Variants in CSMD1 observed in about 807,000 individuals in gnomAD.
CSMD1 encodes the protein CUB and Sushi multiple domains 1, also known as CUB and sushi domain-containing protein 1.
A neutral mutation model predicts 417.5 loss-of-function variants in CSMD1; 213 were observed. The ratio of observed to expected loss-of-function variants is 0.51; its 90% CI spans 0.46 to 0.57. The LOEUF is 0.57. Among genes scored for constraint, CSMD1 ranks in the 20% least tolerant of loss-of-function variants. CSMD1 has a pLI of 0.00. For synonymous variants in CSMD1, 2,862 were observed against 1,736.8 expected, an observed-to-expected ratio of 1.65 and a Z score of -16.11; for missense variants, 6,923 against 4,529.7, an observed-to-expected ratio of 1.53 and a Z score of -15.17.
chr8:4,207,133 G>A (rs1031848284), intron 3 of CSMD1, among the ~76,000 whole-genome samples: 2 of 152,138 alleles, frequency 1.3e-5, no homozygotes, highest in Non-Finnish European at 2.9e-5. Flanking sequence ...AAATAGGACA[G>A]TTGGTAAAAA....
At position 2,961,151 on chromosome 8, in the gene CSMD1, C is replaced by G; in HGVS notation, c.9692G>C (p.Arg3231Thr). 6.3e-7 allele frequency: 1 copy of G among 1,590,842 alleles called. No homozygotes were observed. Among genetic ancestry groups the G allele is most frequent in the Non-Finnish European group, 8.6e-7 (1 of 1,164,094 alleles). ...TTCATAATGAACTACCTCATAGCCT[C>G]TGGAGCTATTCTGTATTCCAAAGTG... is the stretch of plus-strand genomic sequence containing the variant. ...TPHFGIQNSS[R>T]GYEVGSTVFF... The change falls in exon 62 of 70, where the codon AGA (arginine) becomes ACA (threonine). Residue 3231 changes from arginine to threonine, a missense_variant. By Grantham distance (71) the Arg-to-Thr change is moderately conservative. Coordinates refer to ENST00000635120, the MANE Select transcript of CSMD1 (RefSeq NM_033225.6).
rs1051020205 is a variant in CSMD1 at position 3,625,741 on chromosome 8, C to T, written c.1010-8944G>A. On this transcript the variant is annotated intron_variant, in intron 7 of 69. Coordinates refer to ENST00000635120, the MANE Select transcript of CSMD1 (RefSeq NM_033225.6). Reference sequence around the variant, plus strand: ...TCAACATTATTCTTACTACTCCCTACAGAGATCCTATGATCTCAGTAGTTT... The same window carrying T: ...TCAACATTATTCTTACTACTCCCTATAGAGATCCTATGATCTCAGTAGTTT... Among the ~76,000 whole-genome samples the T allele has an allele frequency of 2.6e-5, 4 of 152,234 alleles. No homozygotes were observed. In the East Asian group the frequency reaches 7.7e-4, roughly 29 times the overall value.
intron 3 of CSMD1, among the ~76,000 whole-genome samples, chr8:4,252,445 T>G (rs1486527786): frequency 6.6e-6 from 1 of 152,226 alleles, no homozygotes; most frequent in Non-Finnish European, 1.5e-5. Context: ...CGAGGGGACC[T>G]GAATGAGAAC....
At chr8:3,705,734 G>C (rs965533855) in intron 7 of CSMD1, among the ~76,000 whole-genome samples, 6 of 152,314 alleles carry the variant, frequency 3.9e-5, no homozygotes, top group Non-Finnish European at 4.4e-5. Flanking sequence ...TTCTGCAAGA[G>C]AGGTTTGTGT....
At chr8:3,053,026 T>C (rs1440315164) in intron 49 of CSMD1, among the ~76,000 whole-genome samples, 6 of 152,112 alleles carry the variant, frequency 3.9e-5, no homozygotes, top group Non-Finnish European at 7.4e-5. Flanking sequence ...AGGTGATCCG[T>C]CCACCTTAGC....
intron 10 of CSMD1, among the ~76,000 whole-genome samples, chr8:3,503,759 C>A (rs1444931842): frequency 6.6e-6 from 1 of 152,156 alleles, no homozygotes; most frequent in Non-Finnish European, 1.5e-5. Flanking sequence ...TGTCTCAGCC[C>A]ACCTGTGGTT....
At chr8:4,482,034 C>T (rs1801127576) in intron 2 of CSMD1, among the ~76,000 whole-genome samples, 1 of 152,162 alleles carries the variant, frequency 6.6e-6, no homozygotes, top group African/African-American at 2.4e-5. Flanking sequence ...CTGCCACACC[C>T]TTCCATGGCC....
chr8:4,821,708 T>C (rs536335173), intron 1 of CSMD1, among the ~76,000 whole-genome samples: 1 of 152,150 alleles, frequency 6.6e-6, no homozygotes, highest in South Asian at 2.1e-4. Context: ...TTCATTTTGG[T>C]TGAATTCCAA....
In CSMD1 at chr8:3,049,189, T is replaced by G. The variant is rs1811653889; in HGVS notation, c.7660+3273A>C. On this transcript the variant is annotated intron_variant, in intron 50 of 69. Coordinates refer to ENST00000635120, the MANE Select transcript of CSMD1 (RefSeq NM_033225.6). Reference sequence around the variant, plus strand: ...ATAGTCTGATGGTTTCTTAAAAAACTAAAAATACTCTTACCATTCACTCTA... The same window carrying G: ...ATAGTCTGATGGTTTCTTAAAAAACGAAAAATACTCTTACCATTCACTCTA... 2.0e-5 allele frequency among the ~76,000 whole-genome samples: 3 copies of G among 152,144 alleles called. No homozygotes were observed. In the South Asian group the frequency reaches 6.2e-4, roughly 31 times the overall value.
intron 10 of CSMD1, among the ~76,000 whole-genome samples, chr8:3,510,367 G>C (rs1379299379): frequency 6.6e-6 from 1 of 151,826 alleles, no homozygotes; most frequent in South Asian, 2.1e-4. Context: ...AGTAGAGAAA[G>C]CACATGGGTA....
chr8:4,313,398 C>T (rs147952071), intron 3 of CSMD1, among the ~76,000 whole-genome samples: 3 of 151,310 alleles, frequency 2.0e-5, no homozygotes, highest in Non-Finnish European at 1.5e-5. Flanking sequence ...TTTGAGAATG[C>T]GTTTAGTGTG....
intron 1 of CSMD1, among the ~76,000 whole-genome samples, chr8:4,694,206 G>A (rs1284445977): frequency 6.6e-6 from 1 of 152,142 alleles, no homozygotes; most frequent in African/African-American, 2.4e-5. Flanking sequence ...ATGCGTATCT[G>A]ATTGCTTCCT....
At chr8:4,636,948 TA>T (rs1442348142) in intron 2 of CSMD1, among the ~76,000 whole-genome samples, 1 of 151,990 alleles carries the variant, frequency 6.6e-6, no homozygotes, top group Non-Finnish European at 1.5e-5. Context: ...CAGCGCTCTA[TA>T]AAACACACCA....
rs145370973 is a variant in CSMD1 at position 4,474,884 on chromosome 8, T to C, written c.303-54819A>G. On this transcript the variant is annotated intron_variant, in intron 2 of 69. Coordinates refer to ENST00000635120, the MANE Select transcript of CSMD1 (RefSeq NM_033225.6). ...ATGACTTTCTTAACATTATTTTCTC[T>C]AGCTTACTTTCTTGTAAGACTATAC... is the stretch of plus-strand genomic sequence containing the variant. Among the ~76,000 whole-genome samples, 476 of 152,328 alleles carry C rather than the reference T, an allele frequency of 3.1e-3. 4 individuals are homozygous for C. The highest frequency in any genetic ancestry group is 0.011 in the African/African-American group (438 of 41,570).
At chr8:3,436,765 T>C (rs145522847) in intron 12 of CSMD1, among the ~76,000 whole-genome samples, 2 of 152,296 alleles carry the variant, frequency 1.3e-5, no homozygotes, top group Non-Finnish European at 2.9e-5. Flanking sequence ...GGAGTAAGGC[T>C]TAAAAAAAGA....
intron 1 of CSMD1, among the ~76,000 whole-genome samples, chr8:4,906,161 G>C (rs1017520414): frequency 6.6e-6 from 1 of 152,168 alleles, no homozygotes; most frequent in Non-Finnish European, 1.5e-5. Context: ...TTCAAAGGAA[G>C]TTTCCTGTGA....
chr8:3,307,917 A>T (rs1017909632), intron 24 of CSMD1, 96 bp from the exon 25 acceptor site: 17 of 1,308,530 alleles, frequency 1.3e-5, no homozygotes, highest in Non-Finnish European at 1.7e-5. Flanking sequence ...TGTCTGCATT[A>T]TATACATAGA....
chr8:4,759,410 A>C (rs1811883825), intron 1 of CSMD1, among the ~76,000 whole-genome samples: 1 of 152,174 alleles, frequency 6.6e-6, no homozygotes, highest in African/African-American at 2.4e-5. Flanking sequence ...AGCATCTCTG[A>C]AAAAATTTTA....
At chr8:3,988,060 C>T (rs969630933) in intron 5 of CSMD1, among the ~76,000 whole-genome samples, 2 of 152,164 alleles carry the variant, frequency 1.3e-5, no homozygotes, top group Non-Finnish European at 2.9e-5. Flanking sequence ...CACTACTGTG[C>T]CTAAAAACAT....
Sources: gnomAD v4.1 joint callset for allele counts (sites outside exome capture counted in the v4.1 genomes callset) on GRCh38, gnomAD v4.1.1 for gene constraint, MANE v1.5 for transcripts, NCBI Gene and HGNC (gene_info 2026-07-23, HGNC 2026-07-21) for gene names.